ERBB4: variants seen among roughly 807,000 people sequenced by gnomAD.
ERBB4 encodes the protein receptor tyrosine-protein kinase erbB-4.
In ERBB4, 42 loss-of-function variants were observed where a neutral mutation model predicts 158.0. The observed-to-expected ratio is 0.27, with a 90% CI of 0.21 to 0.34. The LOEUF (loss-of-function observed/expected upper bound fraction) is 0.34. Among genes scored for constraint, ERBB4 ranks in the 10% least tolerant of loss-of-function variants. The probability of loss-of-function intolerance (pLI) is 1.00; values close to 1 mark genes in which losing one functional copy is unlikely to be tolerated. For missense variants in ERBB4, 1,333 were observed against 1,624.1 expected (o/e 0.82, Z 3.08); for synonymous variants, 583 against 558.7 (o/e 1.04, Z -0.61).
intron 1 of ERBB4, among the ~76,000 whole-genome samples, chr2:212,461,588 C>T (rs776767212): frequency 2.0e-5 from 3 of 152,142 alleles, no homozygotes; most frequent in Non-Finnish European, 4.4e-5. Context: ...TGCCTTGTCT[C>T]AGATGAGACA....
chr2:211,409,200 T>TAGACA (rs1042574834), intron 25 of ERBB4, among the ~76,000 whole-genome samples: 3 of 152,118 alleles, frequency 2.0e-5, no homozygotes, highest in Non-Finnish European at 4.4e-5. Flanking sequence ...GTTGAAAGCA[T>TAGACA]AGACAAATCA....
At chr2:211,851,775 T>C (rs1378780342) in intron 3 of ERBB4, among the ~76,000 whole-genome samples, 3 of 151,902 alleles carry the variant, frequency 2.0e-5, no homozygotes, top group African/African-American at 7.2e-5. Flanking sequence ...TGCATTGAAT[T>C]CTTAGAATAC....
At chr2:212,311,442 C>T (rs2087039924) in intron 1 of ERBB4, among the ~76,000 whole-genome samples, 2 of 150,706 alleles carry the variant, frequency 1.3e-5, no homozygotes, top group Admixed American at 6.6e-5. Flanking sequence ...ATCCTATCAC[C>T]ATAGAGTTGC....
chr2:211,653,485 C>G (rs1255902871), intron 16 of ERBB4, among the ~76,000 whole-genome samples: 35 of 148,566 alleles, frequency 2.4e-4, no homozygotes, highest in Middle Eastern at 3.5e-3. Context: ...CCGCCCCCCC[C>G]CACGCCCGCC....
intron 19 of ERBB4, among the ~76,000 whole-genome samples, chr2:211,610,171 C>CT (rs985196665): frequency 6.6e-6 from 1 of 151,434 alleles, no homozygotes; most frequent in Non-Finnish European, 1.5e-5. Context: ...ATACATATGT[C>CT]TTTTTATTAG....
chr2:212,040,037 AT>A lies in ERBB4; in HGVS notation c.234+84714del, dbSNP rs1360891941. Among the ~76,000 whole-genome samples, 4 of 151,438 alleles carry A rather than the reference AT, an allele frequency of 2.6e-5. No homozygotes were observed. In the East Asian group the frequency reaches 5.8e-4, roughly 22 times the overall value. On this transcript the variant is annotated intron_variant, in intron 2 of 27. Coordinates refer to ENST00000342788, the MANE Select transcript of ERBB4 (RefSeq NM_005235.3). Reference sequence around the variant, plus strand: ...CTATGTTTTTTTTTTTAGTTCAGGTATTTTTTTCTTAATTTCCAGAAGCTAA... The same window carrying A: ...CTATGTTTTTTTTTTTAGTTCAGGTATTTTTTCTTAATTTCCAGAAGCTAA...
At chr2:211,782,478 T>C (rs938287283) in intron 4 of ERBB4, among the ~76,000 whole-genome samples, 37 of 152,152 alleles carry the variant, frequency 2.4e-4, no homozygotes, top group African/African-American at 8.4e-4. Flanking sequence ...CTGTCTTTTA[T>C]AGGTAAGGAG....
intron 19 of ERBB4, among the ~76,000 whole-genome samples, chr2:211,569,132 A>G (rs2125739547): frequency 6.6e-6 from 1 of 152,310 alleles, no homozygotes; most frequent in Non-Finnish European, 1.5e-5. Flanking sequence ...TAAACTTTGA[A>G]GTCAGCACTT....
chr2:211,772,948 T>TAC lies in ERBB4; in HGVS notation c.556+15076_556+15077insGT, dbSNP rs1559505013. 3.5e-4 allele frequency among the ~76,000 whole-genome samples: 29 copies of TAC among 83,496 alleles called. 2 individuals are homozygous for TAC. The highest frequency in any genetic ancestry group is 5.2e-4 in the South Asian group (1 of 1,908). The allele number at this position is 83,496 out of a possible 152,430, so 54.8% of individuals were successfully genotyped here. A position where few individuals can be genotyped will look rare whatever the true frequency, so the allele number is the denominator to read the frequency against. On this transcript the variant is annotated intron_variant, in intron 4 of 27. Transcript: ENST00000342788. ...ACATATATATATATATATATATATA[T>TAC]ATATATATTTTTTTTTTTAAAGATG...
In ERBB4 at chr2:211,962,840, G is replaced by T. The variant is rs540338012; in HGVS notation, c.235-15224C>A. On this transcript the variant is annotated intron_variant, in intron 2 of 27. Transcript: ENST00000342788. Reference sequence around the variant, plus strand: ...TAGCTTGGGAGACTTGGTTGATGGCGCTTTAAAAAAACCAGTATAAGGAAC... The same window carrying T: ...TAGCTTGGGAGACTTGGTTGATGGCTCTTTAAAAAAACCAGTATAAGGAAC... Among the ~76,000 whole-genome samples, 16 of 152,034 alleles carry T rather than the reference G, an allele frequency of 1.1e-4. 1 individual carries two copies. In the South Asian group the frequency reaches 3.1e-3, roughly 30 times the overall value.
intron 18 of ERBB4, among the ~76,000 whole-genome samples, chr2:211,621,433 G>A (rs1291326074): frequency 2.0e-5 from 3 of 152,010 alleles, no homozygotes; most frequent in South Asian, 2.1e-4. Flanking sequence ...CATAACAACT[G>A]ATCTATTGAT....
chr2:212,082,055 G>T (rs1157597618), intron 2 of ERBB4, among the ~76,000 whole-genome samples: 2 of 152,036 alleles, frequency 1.3e-5, no homozygotes, highest in Non-Finnish European at 2.9e-5. Context: ...TAAAAAGCCA[G>T]GTGATCTTTC....
rs1051533663 is a variant in ERBB4 at position 211,575,934 on chromosome 2, T to C, written c.2302-13846A>G. ...ATCTCCTCTACTTTTATAATGAACT[T>C]ATTACCATCATATATTAAATTTGAA... On this transcript the variant is annotated intron_variant, in intron 19 of 27. Transcript: ENST00000342788. 1.5e-4 allele frequency among the ~76,000 whole-genome samples: 23 copies of C among 152,162 alleles called. 1 individual carries two copies. Among genetic ancestry groups the C allele is most frequent in the Admixed American group, 1.0e-3 (16 of 15,272 alleles).
At chr2:212,461,927 A>G (rs954542468) in intron 1 of ERBB4, among the ~76,000 whole-genome samples, 1 of 152,174 alleles carries the variant, frequency 6.6e-6, no homozygotes, top group Non-Finnish European at 1.5e-5. Flanking sequence ...CCATCCATGT[A>G]AGACGTGACT....
chr2:212,329,833 T>C (rs1056950612), intron 1 of ERBB4, among the ~76,000 whole-genome samples: 1 of 152,066 alleles, frequency 6.6e-6, no homozygotes, highest in African/African-American at 2.4e-5. Context: ...GTTCCTGAAG[T>C]GCCTCCAATC....
intron 3 of ERBB4, among the ~76,000 whole-genome samples, chr2:211,878,650 A>C (rs1391974827): frequency 1.6e-5 from 1 of 63,768 alleles, no homozygotes; most frequent in Non-Finnish European, 2.8e-5. Context: ...AAGACAAATT[A>C]AGTTTTGTTT....
intron 20 of ERBB4, among the ~76,000 whole-genome samples, chr2:211,479,221 G>A (rs1390803420): frequency 1.3e-5 from 2 of 152,096 alleles, no homozygotes; most frequent in Non-Finnish European, 2.9e-5. Context: ...GACACTGCTG[G>A]TCTGGAGATC....
chr2:212,123,771 T>G (rs1156832300), intron 2 of ERBB4, among the ~76,000 whole-genome samples: 1 of 152,186 alleles, frequency 6.6e-6, no homozygotes, highest in Non-Finnish European at 1.5e-5. Context: ...TTTTCACGAC[T>G]TATCTAAGTA....
At chr2:211,394,562 G>T (rs748740043) in intron 25 of ERBB4, among the ~76,000 whole-genome samples, 1 of 152,088 alleles carries the variant, frequency 6.6e-6, no homozygotes, top group Non-Finnish European at 1.5e-5. Flanking sequence ...AGTTAGAGAG[G>T]GTAGGCTCTT....
Sources: allele counts gnomAD v4.1 joint callset (sites outside exome capture counted in the v4.1 genomes callset), GRCh38; gene constraint gnomAD v4.1.1; transcripts MANE v1.5; gene names NCBI Gene and HGNC (gene_info 2026-07-23, HGNC 2026-07-21).